TMEM131: variants seen among roughly 807,000 people sequenced by gnomAD.
The protein encoded by TMEM131 is 2610524E03Rik.
TMEM131 carries 66 observed loss-of-function variants against 211.6 expected under a neutral mutation model. That is an observed-to-expected ratio of 0.31 (90% confidence interval 0.26 to 0.38). The LOEUF is 0.38. Among genes scored for constraint, TMEM131 ranks in the 10% least tolerant of loss-of-function variants. The probability of loss-of-function intolerance (pLI) is 1.00; values close to 1 mark genes in which losing one functional copy is unlikely to be tolerated. For missense variants in TMEM131, 2,036 were observed against 2,299.3 expected (o/e 0.89, Z 2.34); for synonymous variants, 844 against 841.3 (o/e 1.00, Z -0.06).
chr2:97,777,366 G>A (rs1287846729), intron 31 of TMEM131, among the ~76,000 whole-genome samples: 1 of 152,244 alleles, frequency 6.6e-6, no homozygotes, highest in Non-Finnish European at 1.5e-5. Flanking sequence ...CCATTAATGG[G>A]AGACTCGAAC....
intron 22 of TMEM131, among the ~76,000 whole-genome samples, chr2:97,803,686 T>G (rs530694933): frequency 7.2e-5 from 11 of 152,254 alleles, no homozygotes; most frequent in African/African-American, 2.4e-4. Flanking sequence ...AGGGAGAATA[T>G]CACATCTACT....
chr2:97,781,397 T>C (rs879575853), intron 31 of TMEM131, among the ~76,000 whole-genome samples: 4 of 152,240 alleles, frequency 2.6e-5, no homozygotes, highest in South Asian at 2.1e-4. Flanking sequence ...TAATTTATCC[T>C]ATCAATAAGT....
intron 2 of TMEM131, among the ~76,000 whole-genome samples, chr2:97,919,789 C>A (rs568227462): frequency 7.9e-5 from 12 of 152,256 alleles, no homozygotes; most frequent in South Asian, 4.1e-4. Context: ...AGGCTTGTCT[C>A]GAACTCCTGA....
At chr2:97,767,021 T>G (rs181300932) in intron 33 of TMEM131, among the ~76,000 whole-genome samples, 1 of 152,144 alleles carries the variant, frequency 6.6e-6, no homozygotes, top group African/African-American at 2.4e-5. Context: ...AACATGAAGA[T>G]TTTGAAAGAT....
intron 10 of TMEM131, among the ~76,000 whole-genome samples, chr2:97,833,689 GCT>G (rs1682814883): frequency 6.9e-6 from 1 of 145,632 alleles, no homozygotes; most frequent in African/African-American, 2.6e-5. Flanking sequence ...ACAGAATCTT[GCT>G]CTGTCACCCA....
chr2:97,959,068 T>C (rs11886417), intron 1 of TMEM131, among the ~76,000 whole-genome samples: 45,392 of 151,760 alleles, frequency 0.3, 7,593 homozygotes, highest in African/African-American at 0.42. Context: ...AGTTGGCCAA[T>C]TGGAAGCCAC....
At chr2:97,943,037 A>AAAAGGAAAGAAAG (rs1677845812) in intron 1 of TMEM131, among the ~76,000 whole-genome samples, 1 of 66,058 alleles carries the variant, frequency 1.5e-5, no homozygotes, top group South Asian at 5.0e-4. Context: ...AAAAGAAAAG[A>AAAAGGAAAGAAAG]AAAGAAAGAA....
chr2:97,767,856 T>C (rs1335381956), intron 33 of TMEM131, among the ~76,000 whole-genome samples: 1 of 152,178 alleles, frequency 6.6e-6, no homozygotes, highest in Admixed American at 6.5e-5. Context: ...ATACAGTACA[T>C]TTCAGCTAGG....
chr2:97,900,318 G>C (rs1363223795), intron 3 of TMEM131, among the ~76,000 whole-genome samples: 1 of 151,884 alleles, frequency 6.6e-6, no homozygotes, highest in South Asian at 2.1e-4. Context: ...TGTGTCTTTT[G>C]ACTAACATCT....
intron 11 of TMEM131, among the ~76,000 whole-genome samples, chr2:97,824,414 G>A (rs986461017): frequency 3.3e-5 from 5 of 152,200 alleles, no homozygotes; most frequent in South Asian, 2.1e-4. Flanking sequence ...CCTGGACGAC[G>A]GTCCTCAAGG....
chr2:97,995,022 A>C (rs1220344311), intron 1 of TMEM131, among the ~76,000 whole-genome samples: 1 of 152,244 alleles, frequency 6.6e-6, no homozygotes, highest in African/African-American at 2.4e-5. Flanking sequence ...TACAGGACCA[A>C]GATTTCCCCT....
rs574098338 is a variant in TMEM131, at chr2:97,865,179, T to A, written c.360-5752A>T. 5.9e-5 allele frequency among the ~76,000 whole-genome samples: 9 copies of A among 152,352 alleles called. No individual in the cohort carries two copies. In the South Asian group the frequency reaches 1.7e-3, roughly 28 times the overall value. ...GGGCTTGGCCTTCTGCCCTTCTCAA[T>A]ACGCATTACCAGACAGTAGCTCATA... On this transcript the variant is annotated intron_variant, in intron 4 of 40. Transcript: ENST00000186436.
In TMEM131 at chr2:97,878,524, A is replaced by G. The variant is rs1018933809; in HGVS notation, c.359+9528T>C. Reference sequence around the variant, plus strand: ...ATGGAATACTATGCAGCCATAAAAAAGGATGAGTTCATGCCCTTTGCAGGG... The same window carrying G: ...ATGGAATACTATGCAGCCATAAAAAGGGATGAGTTCATGCCCTTTGCAGGG... On this transcript the variant is annotated intron_variant, in intron 4 of 40. Coordinates refer to ENST00000186436, the MANE Select transcript of TMEM131 (RefSeq NM_015348.2). 3.3e-5 allele frequency among the ~76,000 whole-genome samples: 5 copies of G among 152,390 alleles called. No homozygotes were observed. In the East Asian group the frequency reaches 5.8e-4, roughly 18 times the overall value.
Position 97,760,878 on chromosome 2 carries a change from G to A in TMEM131, c.4926C>T (p.His1642=), listed in dbSNP as rs753044487. The A allele has an allele frequency of 1.2e-6, 2 of 1,614,030 alleles. No homozygotes were observed. Among genetic ancestry groups the A allele is most frequent in the South Asian group, 1.1e-5 (1 of 91,082 alleles). The part of the protein sequence containing the change: ...PKIKQPNGSK[H]KLTKAASLPG... Reference sequence around the variant, plus strand: ...GGAGCGAGGCTGCCTTTGTCAACTTGTGTTTGCTTCCATTTGGCTGTTTTA... The same window carrying A: ...GGAGCGAGGCTGCCTTTGTCAACTTATGTTTGCTTCCATTTGGCTGTTTTA... Residue 1642 remains histidine (H), a synonymous_variant, in exon 37 of 41, where the codon CAC becomes CAT. Transcript: ENST00000186436.
chr2:97,788,495 C>A (rs1347504785), intron 31 of TMEM131, among the ~76,000 whole-genome samples: 2 of 152,178 alleles, frequency 1.3e-5, no homozygotes, highest in Admixed American at 6.5e-5. Context: ...CCGTATCCTG[C>A]CTCTCCATCT....
chr2:97,887,833 G>A lies in TMEM131; in HGVS notation c.359+219C>T, dbSNP rs765581251. On this transcript the variant is annotated intron_variant, in intron 4 of 40. Transcript: ENST00000186436. ...CTCTGAACCAGAGACTACAACAAGC[G>A]AGTATTTTTCAAGCTTTAAAAGTTA... 18 of 430,902 alleles carry A rather than the reference G, an allele frequency of 4.2e-5. No individual in the cohort carries two copies. In the East Asian group the frequency reaches 5.7e-4, roughly 14 times the overall value. 26.7% of individuals were successfully genotyped at this position (430,902 alleles called of 1,614,324 possible).
intron 1 of TMEM131, among the ~76,000 whole-genome samples, chr2:97,944,517 A>C (rs1444766052): frequency 6.6e-6 from 1 of 152,208 alleles, no homozygotes; most frequent in East Asian, 1.9e-4. Flanking sequence ...ACTATCAATA[A>C]AGTGAAAAGA....
chr2:97,759,106 T>C (rs1678673046), intron 39 of TMEM131, 53 bp from the exon 40 acceptor site: 1 of 1,607,772 alleles, frequency 6.2e-7, no homozygotes, highest in African/African-American at 1.3e-5. Context: ...CCATGATCAC[T>C]ATAGCATATG....
chr2:97,821,552 G>A (rs183222817), intron 11 of TMEM131, among the ~76,000 whole-genome samples: 6 of 152,226 alleles, frequency 3.9e-5, no homozygotes, highest in African/African-American at 7.2e-5. Context: ...CACTCACCAC[G>A]AAGGTCTGCG....
Sources: allele counts gnomAD v4.1 joint callset (sites outside exome capture counted in the v4.1 genomes callset), GRCh38; gene constraint gnomAD v4.1.1; transcripts MANE v1.5; gene names NCBI Gene and HGNC (gene_info 2026-07-23, HGNC 2026-07-21).